Variants in TMTC2 observed in about 807,000 individuals in gnomAD.
The protein encoded by TMTC2 is transmembrane O-mannosyltransferase targeting cadherins 2, also known as protein O-mannosyl-transferase TMTC2.
Under a neutral mutation model 82.4 loss-of-function variants are expected in TMTC2, and 43 were observed. The ratio of observed to expected loss-of-function variants is 0.52; its 90% CI spans 0.41 to 0.67. The LOEUF is 0.67. TMTC2 is among the 30% of genes least tolerant of loss of function. TMTC2 has a pLI of 0.00. For missense variants in TMTC2, 919 were observed against 1,012.4 expected, an observed-to-expected ratio of 0.91 and a Z score of 1.25; for synonymous variants, 408 against 381.9, an observed-to-expected ratio of 1.07 and a Z score of -0.80.
At chr12:82,911,665 C>T (rs143417892) in intron 3 of TMTC2, among the ~76,000 whole-genome samples, 1,569 of 151,888 alleles carry the variant, frequency 0.01, 25 homozygotes, top group African/African-American at 0.036. Flanking sequence ...TACAGTGGCA[C>T]GATCTTGGCT....
chr12:82,760,645 C>T (rs188434872), intron 1 of TMTC2, among the ~76,000 whole-genome samples: 1 of 151,964 alleles, frequency 6.6e-6, no homozygotes, highest in African/African-American at 2.4e-5. Context: ...GGCCACACAG[C>T]AGGAGGTGAA....
At chr12:82,915,837 C>T (rs1874970038) in intron 3 of TMTC2, among the ~76,000 whole-genome samples, 1 of 152,146 alleles carries the variant, frequency 6.6e-6, no homozygotes, top group African/African-American at 2.4e-5. Context: ...AACTTGTACT[C>T]TTTGGGATTT....
intron 7 of TMTC2, among the ~76,000 whole-genome samples, chr12:82,980,137 A>G (rs925654341): frequency 1.3e-5 from 2 of 151,792 alleles, no homozygotes; most frequent in African/African-American, 2.4e-5. Flanking sequence ...GGTCATAATT[A>G]TGAATAATTT....
chr12:82,954,548 A>G (rs1472619534), intron 4 of TMTC2, among the ~76,000 whole-genome samples: 1 of 152,206 alleles, frequency 6.6e-6, no homozygotes, highest in Non-Finnish European at 1.5e-5. Flanking sequence ...ATCCTTCAGT[A>G]TTTCCCTGGT....
chr12:82,965,689 T>G lies in TMTC2; in HGVS notation c.1814T>G (p.Val605Gly), dbSNP rs1232083335. The G allele has an allele frequency of 6.2e-7, 1 of 1,613,856 alleles. No individual in the cohort carries two copies. Among genetic ancestry groups the G allele is most frequent in the East Asian group, 2.2e-5 (1 of 44,862 alleles). The part of the protein sequence containing the change: ...LKDPHAHKSS[V>G]TSCLYNLGKL... ...GACCCTCATGCACACAAGAGCTCTG[T>G]TACCAGTTGTTTGTACAACCTAGGA... Residue 605 changes from valine to glycine, a missense_variant, in exon 6 of 12, where the codon GTT becomes GGT. Transcript: ENST00000321196.
intron 2 of TMTC2, among the ~76,000 whole-genome samples, chr12:82,863,534 C>T (rs559803923): frequency 1.3e-4 from 20 of 152,190 alleles, no homozygotes; most frequent in Admixed American, 3.3e-4. Context: ...AAATATTTTA[C>T]GATTCAAAAA....
intron 2 of TMTC2, among the ~76,000 whole-genome samples, chr12:82,886,420 G>C (rs1483997933): frequency 6.6e-6 from 1 of 152,222 alleles, no homozygotes; most frequent in African/African-American, 2.4e-5. Context: ...ATCTTAAGCT[G>C]TTATGTGTTT....
chr12:82,857,924 G>C (rs1329084627), intron 2 of TMTC2, among the ~76,000 whole-genome samples: 1 of 152,138 alleles, frequency 6.6e-6, no homozygotes, highest in East Asian at 1.9e-4. Flanking sequence ...ACGTGTATTT[G>C]TAAAAAATAA....
chr12:82,800,398 T>TTCCTG (rs1360555509), intron 1 of TMTC2, among the ~76,000 whole-genome samples: 1 of 152,174 alleles, frequency 6.6e-6, no homozygotes, highest in African/African-American at 2.4e-5. Flanking sequence ...GCTGTCATGA[T>TTCCTG]TCCTGCTCTA....
At position 82,816,225 on chromosome 12, in the gene TMTC2, T is replaced by C. The variant is rs78619843; in HGVS notation, c.84-40785T>C. On this transcript the variant is annotated intron_variant, in intron 1 of 11. Transcript: ENST00000321196. The stretch of plus-strand genomic sequence containing the variant: ...TTAGAGAATGCTCTAAATAGTTCTC[T>C]AAATGTGTAGACCTCAGGACATTGG... Among the ~76,000 whole-genome samples the C allele has an allele frequency of 1.9e-3, 286 of 151,962 alleles. 1 individual carries two copies. The highest frequency in any genetic ancestry group is 6.3e-3 in the African/African-American group (263 of 41,474).
At chr12:82,790,355 T>C (rs1878405792) in intron 1 of TMTC2, among the ~76,000 whole-genome samples, 1 of 152,046 alleles carries the variant, frequency 6.6e-6, no homozygotes. Context: ...CTGTCCCTCT[T>C]TGAGAGAGTC....
intron 1 of TMTC2, among the ~76,000 whole-genome samples, chr12:82,708,950 G>A (rs541097739): frequency 2.0e-5 from 3 of 152,228 alleles, no homozygotes; most frequent in South Asian, 2.1e-4. Flanking sequence ...CTGTGATTGA[G>A]GTTTTGACAC....
rs930869071 is a variant in TMTC2, at chr12:82,997,120, C to G, written c.2070+11074C>G. ...CTCTCTCTGCTGATATGGAAGAGGA[C>G]TCTTCCATCCTGACTCCCTCATCAT... is the stretch of plus-strand genomic sequence containing the variant. On this transcript the variant is annotated intron_variant, in intron 8 of 11. Coordinates refer to ENST00000321196, the MANE Select transcript of TMTC2 (RefSeq NM_152588.3). Among the ~76,000 whole-genome samples, 17 of 147,064 alleles carry G rather than the reference C, an allele frequency of 1.2e-4. No homozygotes were observed. The East Asian group carries it at 3.3e-3, about 28-fold the overall frequency.
At chr12:83,081,997 T>C (rs1399345128) in intron 11 of TMTC2, among the ~76,000 whole-genome samples, 1 of 152,148 alleles carries the variant, frequency 6.6e-6, no homozygotes, top group Non-Finnish European at 1.5e-5. Flanking sequence ...AAAATTTAAA[T>C]GGCTTTAATG....
At chr12:82,892,851 G>T (rs545540574) in intron 2 of TMTC2, among the ~76,000 whole-genome samples, 3 of 152,154 alleles carry the variant, frequency 2.0e-5, no homozygotes, top group African/African-American at 7.2e-5. Flanking sequence ...CTTTATCTTT[G>T]CCAAATGGTG....
chr12:83,110,674 T>G (rs1051406596), intron 11 of TMTC2, among the ~76,000 whole-genome samples: 3 of 152,204 alleles, frequency 2.0e-5, no homozygotes, highest in African/African-American at 7.2e-5. Flanking sequence ...TCCCTTACTT[T>G]CCAGAAACTT....
intron 9 of TMTC2, among the ~76,000 whole-genome samples, chr12:83,034,084 T>G (rs1881564696): frequency 1.3e-5 from 2 of 151,914 alleles, no homozygotes; most frequent in South Asian, 4.2e-4. Flanking sequence ...GAGAATGTTT[T>G]TTGATAATTT....
At chr12:82,699,522 C>G (rs1427570351) in intron 1 of TMTC2, among the ~76,000 whole-genome samples, 1 of 152,018 alleles carries the variant, frequency 6.6e-6, no homozygotes, top group African/African-American at 2.4e-5. Context: ...TTTTGGAATA[C>G]GCTCATATTC....
chr12:83,133,820 A>G lies in TMTC2; in HGVS notation c.*1431A>G, dbSNP rs892783488. On this transcript the variant is annotated 3_prime_UTR_variant, in exon 12 of 12. Transcript: ENST00000321196. ...TAGCTATACTATACCCTACATATTT[A>G]TTTATTTATTATTCTACTATAGCAG... 1 of 152,152 alleles carries G rather than the reference A, an allele frequency of 6.6e-6. No homozygotes were observed. Among genetic ancestry groups the G allele is most frequent in the Non-Finnish European group, 1.5e-5 (1 of 68,010 alleles). The allele number at this position is 152,152 out of a possible 1,614,324, so 9.4% of individuals were successfully genotyped here.
Sources: allele counts gnomAD v4.1 joint callset (sites outside exome capture counted in the v4.1 genomes callset), GRCh38; gene constraint gnomAD v4.1.1; transcripts MANE v1.5; gene names NCBI Gene and HGNC (gene_info 2026-07-23, HGNC 2026-07-21).